Variants in SPEG observed in about 807,000 individuals in gnomAD.
SPEG encodes the protein striated muscle preferentially expressed protein kinase.
SPEG carries 114 observed loss-of-function variants against 300.4 expected under a neutral mutation model. The ratio of observed to expected loss-of-function variants is 0.38; its 90% CI spans 0.33 to 0.44. The LOEUF (loss-of-function observed/expected upper bound fraction) is 0.44, where lower values mean the gene tolerates loss of function less well. SPEG is among the 20% of genes least tolerant of loss of function. The probability of loss-of-function intolerance (pLI) is 1.00; values close to 1 mark genes in which losing one functional copy is unlikely to be tolerated. For synonymous variants in SPEG, 1,964 were observed against 2,018.9 expected (o/e 0.97, Z 0.73); for missense variants, 4,201 against 4,586.2 (o/e 0.92, Z 2.43).
rs1690498670 is a variant in SPEG at position 219,459,843 on chromosome 2, G to T, written c.2441-2039G>T. Among the ~76,000 whole-genome samples, 1 of 152,164 alleles carries T rather than the reference G, an allele frequency of 6.6e-6. No individual in the cohort carries two copies. The highest frequency in any genetic ancestry group is 1.9e-4 in the East Asian group (1 of 5,200). On this transcript the variant is annotated intron_variant, in intron 6 of 40. Transcript: ENST00000312358. This position sits in a 1 kb window ranked among gnomAD's most constrained non-coding sequence, Gnocchi z 4.9. Reference sequence around the variant, plus strand: ...CCTCAAGACAGCCAGCCTGAACCGTGGGCCCCTCCTCTGCCCGGCCCCCAG... The same window carrying T: ...CCTCAAGACAGCCAGCCTGAACCGTTGGCCCCTCCTCTGCCCGGCCCCCAG...
In SPEG at chr2:219,473,133, C is replaced by T. The variant is rs1211186571; in HGVS notation, c.4147+37C>T. Reference sequence around the variant, plus strand: ...TGCTCCTGTCGGGTGGGGGTGGGAGCTGCTGGGATGGGGAATGGGGGCCCT... The same window carrying T: ...TGCTCCTGTCGGGTGGGGGTGGGAGTTGCTGGGATGGGGAATGGGGGCCCT... On this transcript the variant is annotated intron_variant, in intron 16 of 40. Coordinates refer to ENST00000312358, the MANE Select transcript of SPEG (RefSeq NM_005876.5). The surrounding 1 kb of genome is among the most constrained non-coding windows in gnomAD (Gnocchi z 4.6). The T allele has an allele frequency of 6.3e-7, 1 of 1,586,420 alleles. No individual in the cohort carries two copies.
Position 219,484,405 on chromosome 2 carries a change from C to G in SPEG, c.6942C>G (p.Pro2314=). The G allele has an allele frequency of 6.2e-7, 1 of 1,610,712 alleles. No individual in the cohort carries two copies. Among genetic ancestry groups the G allele is most frequent in the African/African-American group, 1.3e-5 (1 of 75,030 alleles). ...AAGCCCGAGTTCCCACGGTGCCCCC[C>G]AGGCCAGGCAGCAGTCTCAGTAGCA... is the stretch of plus-strand genomic sequence containing the variant. The part of the protein sequence containing the change: ...AEKARVPTVP[P]RPGSSLSSSI... The change falls in exon 30 of 41, where the codon CCC becomes CCG. Residue 2314 remains proline (P), a synonymous_variant. Coordinates refer to ENST00000312358, the MANE Select transcript of SPEG (RefSeq NM_005876.5).
chr2:219,471,805 T>C, intron 13 of SPEG, 63 bp from the exon 14 acceptor site: 1 of 1,601,032 alleles, frequency 6.2e-7, no homozygotes, highest in Non-Finnish European at 8.5e-7. Flanking sequence ...CGGGATGGCA[T>C]GGGCCTACCC....
Position 219,483,803 on chromosome 2 carries a change from C to A in SPEG, c.6340C>A (p.Pro2114Thr). 4 of 1,572,682 alleles carry A rather than the reference C, an allele frequency of 2.5e-6. No individual in the cohort carries two copies. Among genetic ancestry groups the A allele is most frequent in the East Asian group, 2.3e-5 (1 of 43,286 alleles). The change falls in exon 30 of 41, where the codon CCC becomes ACC. Residue 2114 changes from proline to threonine, a missense_variant. Physicochemically the swap from Pro to Thr is conservative, Grantham distance 38. Around this residue, in one of 4 missense-constraint regions of SPEG, gnomAD observed 1,578 missense variants for 1,506.0 expected, o/e 1.05. Coordinates refer to ENST00000312358, the MANE Select transcript of SPEG (RefSeq NM_005876.5). Reference sequence around the variant, plus strand: ...ACGAGCTGCCTCCAGCGAGGCAGCGCCCCACCACCAGCCCCCACTCGAGAA... The same window carrying A: ...ACGAGCTGCCTCCAGCGAGGCAGCGACCCACCACCAGCCCCCACTCGAGAA... ...MARAASSEAA[P>T]HHQPPLENRG...
rs1353529556 is a variant in SPEG, at chr2:219,465,860, TGTGTGTGC to T, written c.2881+1264_2881+1271del. 790 of 612,282 alleles carry T rather than the reference TGTGTGTGC, an allele frequency of 1.3e-3. 9 individuals are homozygous for T. Among genetic ancestry groups the T allele is most frequent in the African/African-American group, 0.011 (615 of 54,820 alleles). The allele number at this position is 612,282 out of a possible 1,614,324, so 37.9% of individuals were successfully genotyped here. Reference sequence around the variant, plus strand: ...GTGTATGTGCATGCATGTGTGTGCATGTGTGTGCGTGTGTGCGTGCGTGTGCATGTGTG... The same window carrying T: ...GTGTATGTGCATGCATGTGTGTGCATGTGTGTGCGTGCGTGTGCATGTGTG... On this transcript the variant is annotated intron_variant, in intron 9 of 40. Coordinates refer to ENST00000312358, the MANE Select transcript of SPEG (RefSeq NM_005876.5).
rs1330113910 is a variant in SPEG, at chr2:219,461,093, G to C, written c.2441-789G>C. The C allele has an allele frequency of 3.3e-6, 3 of 903,906 alleles. No homozygotes were observed. The Admixed American group carries it at 1.9e-4, about 56-fold the overall frequency. 56.0% of individuals were successfully genotyped at this position (903,906 alleles called of 1,614,324 possible). A position where few individuals can be genotyped will look rare whatever the true frequency, so the allele number is the denominator to read the frequency against. On this transcript the variant is annotated intron_variant, in intron 6 of 40. Coordinates refer to ENST00000312358, the MANE Select transcript of SPEG (RefSeq NM_005876.5). ...AGTTTCATGTCTGTATTTGGCAGTCGGATAGGAGCCAGCTCAGCGAGACTG... is the reference window on the plus strand; with the variant it reads ...AGTTTCATGTCTGTATTTGGCAGTCCGATAGGAGCCAGCTCAGCGAGACTG...
At position 219,464,350 on chromosome 2, in the gene SPEG, C is replaced by T. The variant is rs576788337; in HGVS notation, c.2706-83C>T. On this transcript the variant is annotated intron_variant, in intron 8 of 40. Transcript: ENST00000312358. The surrounding 1 kb of genome is among the most constrained non-coding windows in gnomAD (Gnocchi z 4.5). ...GGCAAACTGCACAGGGAAGGAGAGG[C>T]CTGCACAGTGCTGCAGCCCCAGTTC... 8 of 1,396,742 alleles carry T rather than the reference C, an allele frequency of 5.7e-6. No homozygotes were observed. In the South Asian group the frequency reaches 1.0e-4, roughly 18 times the overall value. 86.5% of individuals were successfully genotyped at this position (1,396,742 alleles called of 1,614,324 possible).
At chr2:219,474,899 C>T (rs1403138189) in intron 18 of SPEG, among the ~76,000 whole-genome samples, 1 of 151,284 alleles carries the variant, frequency 6.6e-6, no homozygotes, top group Non-Finnish European at 1.5e-5. Flanking sequence ...TCTTGTGCCT[C>T]AGGCTGCCAA....
chr2:219,469,922 AG>A (rs1267774769), intron 13 of SPEG, among the ~76,000 whole-genome samples: 3 of 152,168 alleles, frequency 2.0e-5, no homozygotes, highest in African/African-American at 7.2e-5. Flanking sequence ...ATAACGAAGA[AG>A]GGGCCAGGGG....
chr2:219,473,048 A>G lies in SPEG; in HGVS notation c.4099A>G (p.Ser1367Gly), dbSNP rs955980003. ...FRVLSTTVKSSSKPSPPSEPV... is the reference protein window; with the variant it reads ...FRVLSTTVKSGSKPSPPSEPV... ...GGTCCTCAGCACCACTGTCAAGAGC[A>G]GCAGCAAGCCCTCACCCCCTTCTGA... The change falls in exon 16 of 41, where the codon AGC becomes GGC. Residue 1367 changes from serine to glycine, a missense_variant. Around this residue, in one of 4 missense-constraint regions of SPEG, gnomAD observed 1,047 missense variants for 1,356.8 expected, o/e 0.77. Transcript: ENST00000312358. This position sits in a 1 kb window ranked among gnomAD's most constrained non-coding sequence, Gnocchi z 4.6. 3 of 1,613,978 alleles carry G rather than the reference A, an allele frequency of 1.9e-6. No homozygotes were observed. Among genetic ancestry groups the G allele is most frequent in the Admixed American group, 1.7e-5 (1 of 60,024 alleles).
Position 219,492,692 on chromosome 2 carries a change from G to A in SPEG, c.9710G>A (p.Arg3237Gln), listed in dbSNP as rs563295911. The A allele has an allele frequency of 5.6e-6, 9 of 1,609,390 alleles. No homozygotes were observed. The highest frequency in any genetic ancestry group is 3.3e-5 in the South Asian group (3 of 91,080). Residue 3237 changes from arginine (R) to glutamine (Q), a missense_variant, in exon 41 of 41, where the codon CGG (arginine) becomes CAG (glutamine). Arg to Gln is a conservative substitution (Grantham distance 43). Around this residue, in one of 4 missense-constraint regions of SPEG, gnomAD observed 318 missense variants for 429.5 expected, o/e 0.74. Transcript: ENST00000312358. The part of the protein sequence containing the change: ...RRQTLTFTTN[R>Q]LKEFLGEQRR... ...CAGACGCTCACCTTCACCACCAACC[G>A]GCTCAAGGAGTTCCTGGGCGAGCAG...
Position 219,484,402 on chromosome 2 carries a change from C to T in SPEG, c.6939C>T (p.Pro2313=), listed in dbSNP as rs1311229379. ...AGAAAGCCCGAGTTCCCACGGTGCC[C>T]CCCAGGCCAGGCAGCAGTCTCAGTA... ...LAEKARVPTV[P]PRPGSSLSSS... The change falls in exon 30 of 41, where the codon CCC becomes CCT. Residue 2313 remains proline (P), a synonymous_variant. Coordinates refer to ENST00000312358, the MANE Select transcript of SPEG (RefSeq NM_005876.5). The T allele has an allele frequency of 1.2e-6, 2 of 1,610,532 alleles. No individual in the cohort carries two copies. The highest frequency in any genetic ancestry group is 1.7e-6 in the Non-Finnish European group (2 of 1,179,802).
chr2:219,453,532 G>A (rs771900658), intron 6 of SPEG, among the ~76,000 whole-genome samples: 1 of 152,200 alleles, frequency 6.6e-6, no homozygotes, highest in Non-Finnish European at 1.5e-5. Context: ...GTGCCTTAGG[G>A]ACTCCACCTC....
intron 7 of SPEG, 62 bp downstream of exon 7, chr2:219,462,119 T>A: frequency 1.2e-5 from 16 of 1,360,052 alleles, no homozygotes; most frequent in Non-Finnish European, 1.6e-5. Flanking sequence ...GGTGCCCCCT[T>A]GTTCTTGGGG....
rs184295566 is a variant in SPEG, at chr2:219,460,303, G to C, written c.2441-1579G>C. On this transcript the variant is annotated intron_variant, in intron 6 of 40. Transcript: ENST00000312358. ...AGATCTTGACAGTTCTCCGATTTTC[G>C]GGGCCAAAGAAAACAGGTATGCCCT... 2.8e-5 allele frequency: 28 copies of C among 985,402 alleles called. No individual in the cohort carries two copies. The Admixed American group carries it at 1.6e-3, about 56-fold the overall frequency. 61.0% of individuals were successfully genotyped at this position (985,402 alleles called of 1,614,324 possible).
Position 219,464,891 on chromosome 2 carries a change from C to A in SPEG, c.2881+283C>A. 1 of 421,836 alleles carries A rather than the reference C, an allele frequency of 2.4e-6. No homozygotes were observed. Among genetic ancestry groups the A allele is most frequent in the Non-Finnish European group, 4.3e-6 (1 of 232,442 alleles). 26.1% of individuals were successfully genotyped at this position (421,836 alleles called of 1,614,324 possible). A position where few individuals can be genotyped will look rare whatever the true frequency, so the allele number is the denominator to read the frequency against. ...CCTGGCGGCAGCCAGAGACCCTGCA[C>A]CTGCCACTGGCCAAGCTCTCTCTAC... On this transcript the variant is annotated intron_variant, in intron 9 of 40. Coordinates refer to ENST00000312358, the MANE Select transcript of SPEG (RefSeq NM_005876.5). The surrounding 1 kb of genome is among the most constrained non-coding windows in gnomAD (Gnocchi z 4.5).
chr2:219,457,957 C>T (rs1469347090), intron 6 of SPEG, among the ~76,000 whole-genome samples: 4 of 152,196 alleles, frequency 2.6e-5, no homozygotes, highest in Non-Finnish European at 4.4e-5. Context: ...AGTCATCTCC[C>T]GCCTTCTATA....
chr2:219,465,858 CAT>C (rs1691238139), intron 9 of SPEG: 1 of 611,706 alleles, frequency 1.6e-6, no homozygotes, highest in Non-Finnish European at 3.0e-6. Flanking sequence ...CATGTGTGTG[CAT>C]GTGTGTGCGT....
At chr2:219,467,585 A>G in intron 10 of SPEG, 151 bp downstream of exon 10, 2 of 860,410 alleles carry the variant, frequency 2.3e-6, no homozygotes, top group Non-Finnish European at 3.5e-6. Context: ...CTTGGCCTCA[A>G]TAAAATAAGC....
Sources: gnomAD v4.1 joint callset for allele counts (sites outside exome capture counted in the v4.1 genomes callset) on GRCh38, gnomAD v4.1.1 for gene constraint, gnomAD v4.1.1 regional missense constraint, Gnocchi (gnomAD v3.1) non-coding constraint, MANE v1.5 for transcripts, NCBI Gene and HGNC (gene_info 2026-07-23, HGNC 2026-07-21) for gene names.